Variants in LMOD2 observed in about 807,000 individuals in gnomAD.
LMOD2 encodes the protein leiomodin 2.
A neutral mutation model predicts 41.7 loss-of-function variants in LMOD2; 27 were observed. The observed-to-expected ratio is 0.65, with a 90% CI of 0.48 to 0.89. The LOEUF (loss-of-function observed/expected upper bound fraction) is 0.89, where lower values mean the gene tolerates loss of function less well. Among genes scored for constraint, LMOD2 ranks in the 40% least tolerant of loss-of-function variants. LMOD2 has a pLI of 0.00. For synonymous variants in LMOD2, 251 were observed against 244.6 expected, an observed-to-expected ratio of 1.03 and a Z score of -0.25; for missense variants, 624 against 667.9, an observed-to-expected ratio of 0.93 and a Z score of 0.72.
At chr7:123,659,492 A>T (rs1802840359) in intron 1 of LMOD2, among the ~76,000 whole-genome samples, 1 of 152,166 alleles carries the variant, frequency 6.6e-6, no homozygotes, top group Non-Finnish European at 1.5e-5. Flanking sequence ...TCTAGATTTC[A>T]TGACTAAAAT....
chr7:123,664,025 G>A lies in LMOD2; in HGVS notation c.*280G>A, dbSNP rs993295597. The A allele has an allele frequency of 1.8e-5, 7 of 390,088 alleles. No individual in the cohort carries two copies. The highest frequency in any genetic ancestry group is 3.2e-5 in the Non-Finnish European group (7 of 218,990). 24.2% of individuals were successfully genotyped at this position (390,088 alleles called of 1,614,324 possible). The stretch of plus-strand genomic sequence containing the variant: ...GTGGATGTGTTGGTAACTCCGAGTT[G>A]TAATGAGTTCATGAAATGTGCTGTT... On this transcript the variant is annotated 3_prime_UTR_variant, in exon 3 of 3. Coordinates refer to ENST00000458573, the MANE Select transcript of LMOD2 (RefSeq NM_207163.3).
intron 1 of LMOD2, among the ~76,000 whole-genome samples, chr7:123,656,782 G>A (rs780060376): frequency 1.3e-5 from 2 of 152,128 alleles, no homozygotes; most frequent in Non-Finnish European, 2.9e-5. Flanking sequence ...ATGAGTCCCT[G>A]CTCTGTTCCC....
At chr7:123,659,474 C>T (rs908308919) in intron 1 of LMOD2, among the ~76,000 whole-genome samples, 3 of 152,128 alleles carry the variant, frequency 2.0e-5, no homozygotes, top group South Asian at 4.1e-4. Flanking sequence ...TCAGATTGTC[C>T]GGAACTATCT....
In LMOD2 at chr7:123,656,069, G is replaced by C; in HGVS notation, c.106G>C (p.Glu36Gln). The C allele has an allele frequency of 6.2e-7, 1 of 1,612,152 alleles. No homozygotes were observed. Among genetic ancestry groups the C allele is most frequent in the Non-Finnish European group, 8.5e-7 (1 of 1,179,186 alleles). Residue 36 changes from glutamate to glutamine, a missense_variant, in exon 1 of 3, where the codon GAG (glutamate) becomes CAG (glutamine). Coordinates refer to ENST00000458573, the MANE Select transcript of LMOD2 (RefSeq NM_207163.3). ...SAEELKELER[E>Q]LEDIEPDRNL... ...CGAGGAGCTGAAGGAGCTAGAGAGA[G>C]AGTTGGAAGACATTGAACCTGACCG...
intron 2 of LMOD2, 47 bp downstream of exon 2, chr7:123,663,250 G>A (rs1442183470): frequency 6.6e-7 from 1 of 1,526,698 alleles, no homozygotes; most frequent in Admixed American, 2.2e-5. Flanking sequence ...AAGTAAATGA[G>A]TTGTCCTCCA....
rs1327210855 is a variant in LMOD2, at chr7:123,662,923, C to T, written c.1337C>T (p.Pro446Leu). 1.9e-6 allele frequency: 3 copies of T among 1,555,340 alleles called. No homozygotes were observed. The highest frequency in any genetic ancestry group is 2.0e-5 in the Admixed American group (1 of 51,014). Reference sequence around the variant, plus strand: ...CTGCCACCACCTCCTCCTCCTCCCCCTCCTCCACTCCCAGAGAAAAAGCTC... The same window carrying T: ...CTGCCACCACCTCCTCCTCCTCCCCTTCCTCCACTCCCAGAGAAAAAGCTC... ...QRLPPPPPPP[P>L]PPLPEKKLIT... Residue 446 changes from proline (P) to leucine (L), a missense_variant, in exon 2 of 3, where the codon CCT (proline) becomes CTT (leucine). Transcript: ENST00000458573. This position sits in a 1 kb window ranked among gnomAD's most constrained non-coding sequence, Gnocchi z 4.0.
chr7:123,661,268 G>C (rs1338733406), intron 1 of LMOD2, among the ~76,000 whole-genome samples: 1 of 152,218 alleles, frequency 6.6e-6, no homozygotes, highest in Admixed American at 6.5e-5. Flanking sequence ...TGCTGGAGGA[G>C]CAAATGACAG....
In LMOD2 at chr7:123,662,273, T is replaced by C; in HGVS notation, c.687T>C (p.Leu229=). Residue 229 remains leucine (L), a synonymous_variant, in exon 2 of 3, where the codon CTT becomes CTC. Transcript: ENST00000458573. This position sits in a 1 kb window ranked among gnomAD's most constrained non-coding sequence, Gnocchi z 4.0. ...NNIENITTQT[L]TRFAEALKDN... ...TTGAGAACATCACAACACAGACCCT[T>C]ACCCGCTTTGCTGAAGCCCTCAAGG... 4 of 1,613,972 alleles carry C rather than the reference T, an allele frequency of 2.5e-6. No individual in the cohort carries two copies. Among genetic ancestry groups the C allele is most frequent in the South Asian group, 1.1e-5 (1 of 91,074 alleles).
chr7:123,661,286 T>A (rs1022295453), intron 1 of LMOD2, among the ~76,000 whole-genome samples: 3 of 152,198 alleles, frequency 2.0e-5, no homozygotes, highest in African/African-American at 7.2e-5. Flanking sequence ...CAGCTCTGCT[T>A]CTGTCTACAC....
Position 123,656,316 on chromosome 7 carries a change from C to T in LMOD2, c.273+80C>T, listed in dbSNP as rs146115610. On this transcript the variant is annotated intron_variant, in intron 1 of 2. Coordinates refer to ENST00000458573, the MANE Select transcript of LMOD2 (RefSeq NM_207163.3). ...AAACCCAGACACTTGTTTTCCCTAA[C>T]TTCTCAATCCTCATCACTTGAATTT... 287 of 1,390,764 alleles carry T rather than the reference C, an allele frequency of 2.1e-4. No homozygotes were observed. The African/African-American group carries it at 3.9e-3, about 19-fold the overall frequency. 86.2% of individuals were successfully genotyped at this position (1,390,764 alleles called of 1,614,324 possible). A position where few individuals can be genotyped will look rare whatever the true frequency, so the allele number is the denominator to read the frequency against.
intron 1 of LMOD2, among the ~76,000 whole-genome samples, chr7:123,660,733 T>A (rs1333162573): frequency 7.7e-6 from 1 of 129,574 alleles, no homozygotes; most frequent in Non-Finnish European, 1.6e-5. Context: ...TTTCTAGACC[T>A]TTTTTTTTTT....
intron 2 of LMOD2, 74 bp from the exon 3 acceptor site, chr7:123,663,645 G>T (rs778180875): frequency 2.4e-6 from 3 of 1,260,730 alleles, no homozygotes; most frequent in Admixed American, 3.9e-5. Flanking sequence ...GATACTGCTA[G>T]AGACATATCC....
rs759040691 is a variant in LMOD2, at chr7:123,662,645, T to C, written c.1059T>C (p.Asp353=). The C allele has an allele frequency of 6.2e-7, 1 of 1,613,942 alleles. No homozygotes were observed. Among genetic ancestry groups the C allele is most frequent in the South Asian group, 1.1e-5 (1 of 91,082 alleles). Residue 353 remains aspartate, a synonymous_variant, in exon 2 of 3, where the codon GAT becomes GAC. Coordinates refer to ENST00000458573, the MANE Select transcript of LMOD2 (RefSeq NM_207163.3). The surrounding 1 kb of genome is among the most constrained non-coding windows in gnomAD (Gnocchi z 4.0). The stretch of plus-strand genomic sequence containing the variant: ...CGAGCATTTTGACAAGAAATATGGA[T>C]AAACAGAGGCAAAAACGTTTGCAGG... ...SMTSILTRNM[D]KQRQKRLQEQ... is the part of the protein sequence containing the mutation.
chr7:123,660,577 G>A (rs1457247919), intron 1 of LMOD2, among the ~76,000 whole-genome samples: 1 of 129,106 alleles, frequency 7.7e-6, no homozygotes, highest in Non-Finnish European at 1.7e-5. Context: ...GGCAGCGGGC[G>A]CCCTCGAGGT....
At position 123,656,144 on chromosome 7, in the gene LMOD2, A is replaced by C; in HGVS notation, c.181A>C (p.Thr61Pro). 6.2e-7 allele frequency: 1 copy of C among 1,610,078 alleles called. No homozygotes were observed. Among genetic ancestry groups the C allele is most frequent in the Non-Finnish European group, 8.5e-7 (1 of 1,178,246 alleles). Residue 61 changes from threonine to proline, a missense_variant, in exon 1 of 3, where the codon ACA (threonine) becomes CCA (proline). Physicochemically the swap from Thr to Pro is conservative, Grantham distance 38. Transcript: ENST00000458573. ...AAAGAGCCTGACAGAGAAAACCCCC[A>C]CAGGGACATTCAGCAGAGAGGCACT... ...RQKSLTEKTP[T>P]GTFSREALMA... is the part of the protein sequence containing the mutation.
chr7:123,656,537 T>C (rs1802790396), intron 1 of LMOD2, among the ~76,000 whole-genome samples: 1 of 152,210 alleles, frequency 6.6e-6, no homozygotes, highest in African/African-American at 2.4e-5. Context: ...AACATAAGTG[T>C]TGTTTGAGCT....
At chr7:123,663,324 C>T (rs145186157) in intron 2 of LMOD2, 121 bp downstream of exon 2, 39 of 1,215,574 alleles carry the variant, frequency 3.2e-5, no homozygotes, top group Middle Eastern at 2.0e-4. Context: ...TTTTAGTATG[C>T]GAGAGCAAAC....
Position 123,662,722 on chromosome 7 carries a change from T to A in LMOD2, c.1136T>A (p.Val379Asp). 6.2e-7 allele frequency: 1 copy of A among 1,613,868 alleles called. No individual in the cohort carries two copies. Among genetic ancestry groups the A allele is most frequent in the Non-Finnish European group, 8.5e-7 (1 of 1,179,862 alleles). ...YDGGPNLRTK[V>D]WQRGTPSSSP... is the part of the protein sequence containing the mutation. ...GGAGGACCCAATCTTAGGACCAAAG[T>A]CTGGCAAAGAGGAACACCTAGCTCT... Residue 379 changes from valine to aspartate, a missense_variant, in exon 2 of 3, where the codon GTC becomes GAC. Coordinates refer to ENST00000458573, the MANE Select transcript of LMOD2 (RefSeq NM_207163.3). This position sits in a 1 kb window ranked among gnomAD's most constrained non-coding sequence, Gnocchi z 4.0.
At chr7:123,659,251 AC>A (rs1486692573) in intron 1 of LMOD2, among the ~76,000 whole-genome samples, 1 of 152,114 alleles carries the variant, frequency 6.6e-6, no homozygotes, top group Non-Finnish European at 1.5e-5. Flanking sequence ...CTTATTCTAT[AC>A]CCTCCTTCCC....
Sources: allele counts gnomAD v4.1 joint callset (sites outside exome capture counted in the v4.1 genomes callset), GRCh38; gene constraint gnomAD v4.1.1; non-coding constraint Gnocchi (gnomAD v3.1); transcripts MANE v1.5; gene names NCBI Gene and HGNC (gene_info 2026-07-23, HGNC 2026-07-21).